Variants in IGF1R observed in about 807,000 individuals in gnomAD.
IGF1R encodes the protein insulin like growth factor 1 receptor.
In IGF1R, 44 loss-of-function variants were observed where a neutral mutation model predicts 144.6. The observed-to-expected ratio is 0.30, with a 90% CI of 0.24 to 0.39. IGF1R has a LOEUF of 0.39. Ranked by LOEUF, IGF1R falls within the 10% of genes least tolerant of loss-of-function variation. IGF1R has a pLI of 1.00. For missense variants in IGF1R, 1,355 were observed against 1,833.7 expected, an observed-to-expected ratio of 0.74 and a Z score of 4.77; for synonymous variants, 795 against 722.8, an observed-to-expected ratio of 1.10 and a Z score of -1.60.
intron 2 of IGF1R, among the ~76,000 whole-genome samples, chr15:98,769,810 C>T (rs1419702231): frequency 6.6e-6 from 1 of 152,192 alleles, no homozygotes; most frequent in African/African-American, 2.4e-5. Context: ...ACTGCTTTTA[C>T]ACTTATTAGC....
chr15:98,721,917 G>A (rs2054255433), intron 2 of IGF1R, among the ~76,000 whole-genome samples: 1 of 152,152 alleles, frequency 6.6e-6, no homozygotes, highest in Non-Finnish European at 1.5e-5. Flanking sequence ...TCTTATTCAT[G>A]TCAGTCCACC....
intron 1 of IGF1R, among the ~76,000 whole-genome samples, chr15:98,696,609 C>T (rs896989648): frequency 6.6e-6 from 1 of 152,178 alleles, no homozygotes; most frequent in African/African-American, 2.4e-5. Flanking sequence ...CACTTTGTAG[C>T]AGTGTTTTTC....
chr15:98,800,679 CA>C (rs2056342426), intron 2 of IGF1R, among the ~76,000 whole-genome samples: 3 of 152,080 alleles, frequency 2.0e-5, no homozygotes, highest in Non-Finnish European at 4.4e-5. Context: ...GCAAACTTCT[CA>C]AGGGGAGGCG....
Position 98,875,824 on chromosome 15 carries a change from C to T in IGF1R, c.641-15501C>T, listed in dbSNP as rs566186593. ...TCTGGGAGCACGGTGCTAGGACTCTCTAAGCGTGACCTCCTTCAGTTTGGC... is the reference window on the plus strand; with the variant it reads ...TCTGGGAGCACGGTGCTAGGACTCTTTAAGCGTGACCTCCTTCAGTTTGGC... On this transcript the variant is annotated intron_variant, in intron 2 of 20. Coordinates refer to ENST00000650285, the MANE Select transcript of IGF1R (RefSeq NM_000875.5). 1.1e-3 allele frequency among the ~76,000 whole-genome samples: 168 copies of T among 152,266 alleles called. 1 individual carries two copies. Among genetic ancestry groups the T allele is most frequent in the African/African-American group, 3.8e-3 (159 of 41,546 alleles).
intron 2 of IGF1R, among the ~76,000 whole-genome samples, chr15:98,754,162 C>G (rs2055090464): frequency 6.6e-6 from 1 of 152,112 alleles, no homozygotes; most frequent in Non-Finnish European, 1.5e-5. Context: ...CGGGAGGTAA[C>G]CAGGTCTCCA....
At chr15:98,818,968 C>T (rs1056947361) in intron 2 of IGF1R, among the ~76,000 whole-genome samples, 35 of 152,160 alleles carry the variant, frequency 2.3e-4, no homozygotes, top group African/African-American at 6.3e-4. Flanking sequence ...GACATTTTGG[C>T]TTGGACAGAA....
chr15:98,792,915 C>T lies in IGF1R; in HGVS notation c.640+84808C>T, dbSNP rs1273836397. On this transcript the variant is annotated intron_variant, in intron 2 of 20. Transcript: ENST00000650285. ...GGCTTCTGAACTGGATGTTTCTATG[C>T]GCTGAAACTCTGTAAACGCGTGTAG... 2.6e-5 allele frequency among the ~76,000 whole-genome samples: 4 copies of T among 152,250 alleles called. No individual in the cohort carries two copies. In the South Asian group the frequency reaches 8.3e-4, roughly 32 times the overall value.
intron 1 of IGF1R, among the ~76,000 whole-genome samples, chr15:98,701,350 T>C (rs1046549733): frequency 7.7e-5 from 7 of 91,502 alleles, no homozygotes; most frequent in Non-Finnish European, 1.3e-4. Context: ...TTTTTTTTTT[T>C]TTTTGAGATG....
rs573084143 is a variant in IGF1R at position 98,948,764 on chromosome 15, TTTC to T, written c.3722+59_3722+61del. On this transcript the variant is annotated intron_variant, in intron 20 of 20. Coordinates refer to ENST00000650285, the MANE Select transcript of IGF1R (RefSeq NM_000875.5). ...CTGAGTTCTCTTCTCAAATACCTGTTTTCTTGGGTCACAGGAGATTAGGAGATT... is the reference window on the plus strand; with the variant it reads ...CTGAGTTCTCTTCTCAAATACCTGTTTTGGGTCACAGGAGATTAGGAGATT... 189 of 1,589,564 alleles carry T rather than the reference TTTC, an allele frequency of 1.2e-4. No homozygotes were observed. In the African/African-American group the frequency reaches 2.2e-3, roughly 19 times the overall value.
At chr15:98,665,442 G>A (rs576074582) in intron 1 of IGF1R, among the ~76,000 whole-genome samples, 4 of 152,156 alleles carry the variant, frequency 2.6e-5, no homozygotes, top group South Asian at 2.1e-4. Context: ...GATCATTTGC[G>A]TTATCAATGT....
In IGF1R at chr15:98,707,204, G is replaced by C. The variant is rs2053886428; in HGVS notation, c.95-358G>C. On this transcript the variant is annotated intron_variant, in intron 1 of 20. Coordinates refer to ENST00000650285, the MANE Select transcript of IGF1R (RefSeq NM_000875.5). This position sits in a 1 kb window ranked among gnomAD's most constrained non-coding sequence, Gnocchi z 6.7. ...ACTGACGCTCTGCAGAACGGACCAG[G>C]AGTGTGCGGTGGTGGAGTCCGGCTG... Among the ~76,000 whole-genome samples, 1 of 152,232 alleles carries C rather than the reference G, an allele frequency of 6.6e-6. No individual in the cohort carries two copies. The highest frequency in any genetic ancestry group is 6.5e-5 in the Admixed American group (1 of 15,286).
At chr15:98,921,512 G>T (rs756710270) in intron 10 of IGF1R, among the ~76,000 whole-genome samples, 14 of 152,084 alleles carry the variant, frequency 9.2e-5, no homozygotes, top group Admixed American at 8.5e-4. Flanking sequence ...AGGAAGCCTG[G>T]GTGGGCTCCA....
At chr15:98,779,875 T>A (rs1422548084) in intron 2 of IGF1R, among the ~76,000 whole-genome samples, 1 of 152,116 alleles carries the variant, frequency 6.6e-6, no homozygotes, top group Non-Finnish European at 1.5e-5. Context: ...GAGAGTTAAT[T>A]AGCAGAGTTT....
rs5814908 is a variant in IGF1R, at chr15:98,877,489, C to CTTTTTT, written c.641-13817_641-13812dup. The stretch of plus-strand genomic sequence containing the variant: ...AAGAAAGAAAAATGGCACTAGCAGC[C>CTTTTTT]TTTTTTTTTTTTTTTTTTTTTTTTC... On this transcript the variant is annotated intron_variant, in intron 2 of 20. Coordinates refer to ENST00000650285, the MANE Select transcript of IGF1R (RefSeq NM_000875.5). Among the ~76,000 whole-genome samples the CTTTTTT allele has an allele frequency of 1.6e-3, 140 of 85,558 alleles. 2 individuals are homozygous for CTTTTTT. Among genetic ancestry groups the CTTTTTT allele is most frequent in the African/African-American group, 6.4e-3 (134 of 21,060 alleles). 56.1% of individuals were successfully genotyped at this position (85,558 alleles called of 152,430 possible).
chr15:98,942,351 C>G (rs1434066698), intron 18 of IGF1R, among the ~76,000 whole-genome samples: 2 of 152,030 alleles, frequency 1.3e-5, no homozygotes, highest in East Asian at 3.9e-4. Flanking sequence ...TTTTTATTTT[C>G]AAGACAGGTT....
At chr15:98,799,826 G>A (rs949063782) in intron 2 of IGF1R, among the ~76,000 whole-genome samples, 2 of 152,128 alleles carry the variant, frequency 1.3e-5, no homozygotes, top group African/African-American at 2.4e-5. Context: ...TCAAGGTTTC[G>A]AAGCCTTGTG....
chr15:98,746,243 A>C (rs74607182), intron 2 of IGF1R, among the ~76,000 whole-genome samples: 3,149 of 152,268 alleles, frequency 0.021, 107 homozygotes, highest in African/African-American at 0.072. Context: ...GTAGGTGGGG[A>C]AACATCTAGG....
intron 5 of IGF1R, among the ~76,000 whole-genome samples, chr15:98,907,365 GCCTCCA>G (rs1367541675): frequency 6.6e-6 from 1 of 151,742 alleles, no homozygotes. Context: ...AATGGACATA[GCCTCCA>G]GGGCAGACGA....
At chr15:98,750,895 C>T (rs1450819432) in intron 2 of IGF1R, among the ~76,000 whole-genome samples, 1 of 152,098 alleles carries the variant, frequency 6.6e-6, no homozygotes, top group Non-Finnish European at 1.5e-5. Context: ...TCAGGTGATC[C>T]TCTTCACCTC....
Sources: allele counts gnomAD v4.1 joint callset (sites outside exome capture counted in the v4.1 genomes callset), GRCh38; gene constraint gnomAD v4.1.1; non-coding constraint Gnocchi (gnomAD v3.1); transcripts MANE v1.5; gene names NCBI Gene and HGNC (gene_info 2026-07-23, HGNC 2026-07-21).